Variants in RAD18 observed in about 807,000 individuals in gnomAD.
RAD18 encodes RAD18 E3 ubiquitin protein ligase, also known as E3 ubiquitin-protein ligase RAD18.
A neutral mutation model predicts 60.4 loss-of-function variants in RAD18; 47 were observed. That is an observed-to-expected ratio of 0.78 (90% CI 0.62 to 0.99). The LOEUF (loss-of-function observed/expected upper bound fraction) is 0.99, where lower values mean the gene tolerates loss of function less well. Ranked by LOEUF, RAD18 falls within the 50% of genes least tolerant of loss-of-function variation. The pLI is 0.00. For missense variants in RAD18, 640 were observed against 593.3 expected, an observed-to-expected ratio of 1.08 and a Z score of -0.82; for synonymous variants, 225 against 195.5, an observed-to-expected ratio of 1.15 and a Z score of -1.26.
intron 12 of RAD18, among the ~76,000 whole-genome samples, chr3:8,885,631 A>G (rs1939546668): frequency 6.6e-6 from 1 of 152,194 alleles, no homozygotes; most frequent in Non-Finnish European, 1.5e-5. Flanking sequence ...ACTCTGGCAG[A>G]GCCCAAAAGA....
chr3:8,922,137 G>A (rs1362209765), intron 7 of RAD18, among the ~76,000 whole-genome samples: 1 of 152,202 alleles, frequency 6.6e-6, no homozygotes, highest in South Asian at 2.1e-4. Context: ...AGCAGGGCGA[G>A]GCATCGCCTC....
rs1410165031 is a variant in RAD18, at chr3:8,936,058, G to A, written c.705-3C>T. On this transcript the variant is annotated splice_region_variant and splice_polypyrimidine_tract_variant and intron_variant, in intron 6 of 12. Transcript: ENST00000264926. ...GCGGCTTCCTTTTGTGAACAGAACT[G>A]AAAAGGGGGGAAGATACCTGATGAT... is the stretch of plus-strand genomic sequence containing the variant. The A allele has an allele frequency of 2.0e-6, 3 of 1,524,776 alleles. No homozygotes were observed. Among genetic ancestry groups the A allele is most frequent in the Middle Eastern group, 1.8e-4 (1 of 5,678 alleles). The allele number at this position is 1,524,776 out of a possible 1,614,324, so 94.5% of individuals were successfully genotyped here.
At chr3:8,910,772 T>C (rs1211786162) in intron 9 of RAD18, among the ~76,000 whole-genome samples, 2 of 152,232 alleles carry the variant, frequency 1.3e-5, no homozygotes, top group Non-Finnish European at 2.9e-5. Context: ...GCTCAGGATA[T>C]ATAAATGAGC....
intron 7 of RAD18, among the ~76,000 whole-genome samples, chr3:8,920,665 TA>T (rs59860341): frequency 0.61 from 92,389 of 151,552 alleles, 30,357 homozygotes; most frequent in Middle Eastern, 0.73. Flanking sequence ...AAACATCACT[TA>T]TATAGTATTC....
intron 7 of RAD18, among the ~76,000 whole-genome samples, chr3:8,929,241 A>G (rs560316430): frequency 2.0e-5 from 3 of 152,252 alleles, no homozygotes; most frequent in South Asian, 2.1e-4. Flanking sequence ...CTGGAATTCA[A>G]TGAAATAGGA....
intron 2 of RAD18, among the ~76,000 whole-genome samples, chr3:8,950,296 G>A (rs2100922): frequency 0.28 from 43,297 of 151,996 alleles, 10,215 homozygotes; most frequent in African/African-American, 0.65. Context: ...CGGCCTCCCA[G>A]AGGGCTGGGA....
At chr3:8,939,690 AT>A in intron 5 of RAD18, 37 bp from the exon 6 acceptor site, 1 of 1,557,702 alleles carries the variant, frequency 6.4e-7, no homozygotes, top group Non-Finnish European at 8.8e-7. Context: ...GACTTTATTA[AT>A]TGTAGAAGGG....
Position 8,879,696 on chromosome 3 carries a change from C to A in RAD18, c.*1661G>T, listed in dbSNP as rs1261589646. 2.6e-5 allele frequency: 4 copies of A among 152,316 alleles called. No individual in the cohort carries two copies. The allele number at this position is 152,316 out of a possible 1,614,324, so 9.4% of individuals were successfully genotyped here. A position where few individuals can be genotyped will look rare whatever the true frequency, so the allele number is the denominator to read the frequency against. On this transcript the variant is annotated 3_prime_UTR_variant, in exon 13 of 13. Coordinates refer to ENST00000264926, the MANE Select transcript of RAD18 (RefSeq NM_020165.4). ...CCAGCTGTCTCCTGGGGGGCAAAATCTTTCTGCCCACCCCACTGGGAACCA... is the reference window on the plus strand; with the variant it reads ...CCAGCTGTCTCCTGGGGGGCAAAATATTTCTGCCCACCCCACTGGGAACCA...
intron 7 of RAD18, among the ~76,000 whole-genome samples, chr3:8,932,806 T>C (rs1446951887): frequency 6.6e-6 from 1 of 152,046 alleles, no homozygotes; most frequent in Non-Finnish European, 1.5e-5. Context: ...CAATAAAAAA[T>C]AAATGCACTG....
chr3:8,943,556 T>C (rs6773754), intron 4 of RAD18, among the ~76,000 whole-genome samples: 8,896 of 151,894 alleles, frequency 0.059, 834 homozygotes, highest in African/African-American at 0.2. Context: ...TATGAGATAT[T>C]GGGCATAATT....
chr3:8,926,396 A>G (rs1187697385), intron 7 of RAD18, among the ~76,000 whole-genome samples: 1 of 152,248 alleles, frequency 6.6e-6, no homozygotes, highest in Non-Finnish European at 1.5e-5. Context: ...CCATTGCTCA[A>G]TGAAATAAAA....
intron 7 of RAD18, among the ~76,000 whole-genome samples, chr3:8,934,094 G>C (rs1034140826): frequency 2.0e-4 from 31 of 152,150 alleles, no homozygotes; most frequent in Non-Finnish European, 4.4e-4. Context: ...CATATGGAAA[G>C]AAAACAAGAC....
chr3:8,912,020 C>T (rs1429365765), intron 9 of RAD18, among the ~76,000 whole-genome samples: 2 of 152,278 alleles, frequency 1.3e-5, no homozygotes, highest in African/African-American at 4.8e-5. Flanking sequence ...CGAATGTTTC[C>T]ATTTTAATCC....
chr3:8,940,272 T>G (rs1940725260), intron 5 of RAD18, among the ~76,000 whole-genome samples: 1 of 151,918 alleles, frequency 6.6e-6, no homozygotes, highest in African/African-American at 2.4e-5. Context: ...CAGAAGGAGG[T>G]CAGGTGGAAC....
intron 11 of RAD18, among the ~76,000 whole-genome samples, chr3:8,894,787 G>C (rs1314955734): frequency 6.8e-5 from 9 of 133,132 alleles, no homozygotes; most frequent in Admixed American, 4.5e-4. Context: ...TTGAGATGGA[G>C]TCTCGCTTTG....
chr3:8,877,824 A>G lies in RAD18; in HGVS notation c.*3533T>C, dbSNP rs945451198. 6.6e-6 allele frequency: 1 copy of G among 152,280 alleles called. No homozygotes were observed. Among genetic ancestry groups the G allele is most frequent in the African/African-American group, 2.4e-5 (1 of 41,414 alleles). 9.4% of individuals were successfully genotyped at this position (152,280 alleles called of 1,614,324 possible). A position where few individuals can be genotyped will look rare whatever the true frequency, so the allele number is the denominator to read the frequency against. ...GGAAAGAAAGGTAAGGGGAAAGAGA[A>G]AAAAAAGGGGGTGGGGAAGAGAAAA... On this transcript the variant is annotated 3_prime_UTR_variant, in exon 13 of 13. Coordinates refer to ENST00000264926, the MANE Select transcript of RAD18 (RefSeq NM_020165.4).
intron 2 of RAD18, among the ~76,000 whole-genome samples, chr3:8,953,802 C>T (rs1940963244): frequency 6.6e-6 from 1 of 151,516 alleles, no homozygotes; most frequent in Admixed American, 6.6e-5. Flanking sequence ...TATTTTAAAG[C>T]TTGGCCAGCA....
At chr3:8,935,773 T>C in intron 7 of RAD18, 98 bp downstream of exon 7, 6 of 1,148,274 alleles carry the variant, frequency 5.2e-6, no homozygotes, top group Non-Finnish European at 7.2e-6. Flanking sequence ...ATCAAAAATG[T>C]ATTTATTTAC....
At chr3:8,952,803 C>A (rs1265963820) in intron 2 of RAD18, among the ~76,000 whole-genome samples, 1 of 152,048 alleles carries the variant, frequency 6.6e-6, no homozygotes, top group African/African-American at 2.4e-5. Context: ...AGCCAACTTG[C>A]CAAAGATAAT....
Sources: allele counts gnomAD v4.1 joint callset (sites outside exome capture counted in the v4.1 genomes callset), GRCh38; gene constraint gnomAD v4.1.1; transcripts MANE v1.5; gene names NCBI Gene and HGNC (gene_info 2026-07-23, HGNC 2026-07-21).